RPL28: variants seen among roughly 807,000 people sequenced by gnomAD.
RPL28 encodes the protein large ribosomal subunit protein eL28.
A neutral mutation model predicts 12.5 loss-of-function variants in RPL28; 4 were observed. The observed-to-expected ratio is 0.32, with a 90% CI of 0.16 to 0.73. The LOEUF (loss-of-function observed/expected upper bound fraction) is 0.73, where lower values mean the gene tolerates loss of function less well. Ranked by LOEUF, RPL28 falls within the 30% of genes least tolerant of loss-of-function variation. The pLI is 0.66. For synonymous variants in RPL28, 91 were observed against 72.5 expected (o/e 1.26, Z -1.30); for missense variants, 214 against 197.7 (o/e 1.08, Z -0.49).
intron 4 of RPL28, chr19:55,400,999 G>C (rs1600316749): frequency 5.8e-6 from 1 of 172,812 alleles, no homozygotes; most frequent in Non-Finnish European, 1.3e-5. Flanking sequence ...TTATTCTAGA[G>C]GGAGAAGTAT....
In RPL28 at chr19:55,389,551, G is replaced by A; in HGVS notation, c.*1219G>A. ...ACCCCCGGCTCTGACTGAGAGTAAGGGGACTGTCAGGGCCTCGACTTGCCA... is the reference window on the plus strand; with the variant it reads ...ACCCCCGGCTCTGACTGAGAGTAAGAGGACTGTCAGGGCCTCGACTTGCCA... On this transcript the variant is annotated 3_prime_UTR_variant, in exon 5 of 5. Transcript: ENST00000344063. 1.0e-6 allele frequency: 1 copy of A among 985,460 alleles called. No individual in the cohort carries two copies. Among genetic ancestry groups the A allele is most frequent in the Non-Finnish European group, 1.2e-6 (1 of 829,950 alleles). 61.0% of individuals were successfully genotyped at this position (985,460 alleles called of 1,614,324 possible). A position where few individuals can be genotyped will look rare whatever the true frequency, so the allele number is the denominator to read the frequency against.
chr19:55,397,474 G>C (rs1302725390), intron 4 of RPL28, among the ~76,000 whole-genome samples: 1 of 151,902 alleles, frequency 6.6e-6, no homozygotes, highest in Admixed American at 6.6e-5. Flanking sequence ...CCGCCTTCCG[G>C]GTTCACGCCA....
chr19:55,387,540 AGCC>A, intron 3 of RPL28: 1 of 1,430,112 alleles, frequency 7.0e-7, no homozygotes. Flanking sequence ...TGGGCCTCTC[AGCC>A]AAGCTGATGT....
At chr19:55,387,376 T>G (rs2089942405) in intron 3 of RPL28, 1 of 1,551,364 alleles carries the variant, frequency 6.4e-7, no homozygotes, top group Admixed American at 2.0e-5. Flanking sequence ...TGTTGGCTAG[T>G]GATCCTCCTG....
chr19:55,393,256 C>T (rs867010721), downstream of RPL28, among the ~76,000 whole-genome samples: 3 of 118,022 alleles, frequency 2.5e-5, no homozygotes, highest in Admixed American at 8.6e-5. Flanking sequence ...CCCCCCCCCC[C>T]CCCGACCCCC....
chr19:55,388,860 ATC>A lies in RPL28; in HGVS notation c.*532_*533del. The A allele has an allele frequency of 1.0e-6, 1 of 986,244 alleles. No homozygotes were observed. The highest frequency in any genetic ancestry group is 1.2e-6 in the Non-Finnish European group (1 of 830,536). 61.1% of individuals were successfully genotyped at this position (986,244 alleles called of 1,614,324 possible). On this transcript the variant is annotated 3_prime_UTR_variant, in exon 5 of 5. Coordinates refer to ENST00000344063, the MANE Select transcript of RPL28 (RefSeq NM_000991.5). ...GATGGGCTTTACTTGATGCAACCTC[ATC>A]TCTGAGATGGGCAACTTGGTGGGTG...
At position 55,391,644 on chromosome 19, in the gene RPL28, C is replaced by T. The variant is rs535092226; in HGVS notation, c.*3312C>T. On this transcript the variant is annotated 3_prime_UTR_variant, in exon 5 of 5. Transcript: ENST00000344063. ...CTCAACCTCTCTGTGTCTTCGTACCCTCATCTGTAACATGCGTGTCGATAG... is the reference window on the plus strand; with the variant it reads ...CTCAACCTCTCTGTGTCTTCGTACCTTCATCTGTAACATGCGTGTCGATAG... 6.1e-5 allele frequency: 95 copies of T among 1,545,046 alleles called. 1 individual carries two copies. The East Asian group carries it at 2.2e-3, about 35-fold the overall frequency.
At chr19:55,386,907 G>C (rs1435942779) in intron 3 of RPL28, 1 of 1,497,326 alleles carries the variant, frequency 6.7e-7, no homozygotes, top group African/African-American at 1.4e-5. Context: ...GTAAAGTGGA[G>C]AAATGAAAAA....
chr19:55,386,450 C>G lies in RPL28; in HGVS notation c.81+12C>G. On this transcript the variant is annotated intron_variant, in intron 2 of 4. Coordinates refer to ENST00000344063, the MANE Select transcript of RPL28 (RefSeq NM_000991.5). ...AGACCTACAGCACTGTAAGTGGGGC[C>G]CGGATGCGTGGCTCCTGCGGGAGGA... 6.2e-7 allele frequency: 1 copy of G among 1,613,558 alleles called. No individual in the cohort carries two copies. Among genetic ancestry groups the G allele is most frequent in the Non-Finnish European group, 8.5e-7 (1 of 1,179,510 alleles).
Position 55,391,937 on chromosome 19 carries a change from G to A in RPL28, c.*3605G>A. 2 of 1,259,822 alleles carry A rather than the reference G, an allele frequency of 1.6e-6. No individual in the cohort carries two copies. Among genetic ancestry groups the A allele is most frequent in the Non-Finnish European group, 2.0e-6 (2 of 997,168 alleles). 78.0% of individuals were successfully genotyped at this position (1,259,822 alleles called of 1,614,324 possible). A position where few individuals can be genotyped will look rare whatever the true frequency, so the allele number is the denominator to read the frequency against. The stretch of plus-strand genomic sequence containing the variant: ...GCCCCGCCGTCCTGTGGGGCTGTGA[G>A]CTTTCCCAGCCTCCTGCCCGTGTTT... On this transcript the variant is annotated 3_prime_UTR_variant, in exon 5 of 5. Transcript: ENST00000344063.
At chr19:55,395,642 A>T (rs1468157176), downstream of RPL28, among the ~76,000 whole-genome samples, 1 of 149,078 alleles carries the variant, frequency 6.7e-6, no homozygotes, top group South Asian at 2.1e-4. Context: ...ATGGGGTTTC[A>T]CTGTGTTAGC....
intron 4 of RPL28, chr19:55,401,044 C>T (rs2090053327): frequency 4.3e-6 from 1 of 231,184 alleles, no homozygotes; most frequent in East Asian, 1.2e-4. Context: ...GGAGCAGCTC[C>T]AGGTCCTCGC....
chr19:55,389,314 C>T lies in RPL28; in HGVS notation c.*982C>T. On this transcript the variant is annotated 3_prime_UTR_variant, in exon 5 of 5. Coordinates refer to ENST00000344063, the MANE Select transcript of RPL28 (RefSeq NM_000991.5). The stretch of plus-strand genomic sequence containing the variant: ...TATGAGGCTGCAGTGAGCCCATGAG[C>T]CCCACCACTACACTCCAGCCTGGAA... 1.0e-6 allele frequency: 1 copy of T among 972,016 alleles called. No homozygotes were observed. 60.2% of individuals were successfully genotyped at this position (972,016 alleles called of 1,614,324 possible).
intron 3 of RPL28, chr19:55,386,997 G>A (rs895084407): frequency 1.4e-6 from 2 of 1,442,296 alleles, no homozygotes; most frequent in Non-Finnish European, 1.8e-6. Context: ...AAGCAAGTCA[G>A]GGTGGGGATG....
At position 55,390,701 on chromosome 19, in the gene RPL28, G is replaced by A. The variant is rs944852571; in HGVS notation, c.*2369G>A. On this transcript the variant is annotated 3_prime_UTR_variant, in exon 5 of 5. Coordinates refer to ENST00000344063, the MANE Select transcript of RPL28 (RefSeq NM_000991.5). Reference sequence around the variant, plus strand: ...GGGCCTCTGTTCCTGCGGGTGGCCAGCCTGTCTGTGTGGCTGGGCTGGGGA... The same window carrying A: ...GGGCCTCTGTTCCTGCGGGTGGCCAACCTGTCTGTGTGGCTGGGCTGGGGA... The A allele has an allele frequency of 3.0e-6, 3 of 985,480 alleles. No homozygotes were observed. Among genetic ancestry groups the A allele is most frequent in the Middle Eastern group, 5.2e-4 (1 of 1,914 alleles). The allele number at this position is 985,480 out of a possible 1,614,324, so 61.0% of individuals were successfully genotyped here. A position where few individuals can be genotyped will look rare whatever the true frequency, so the allele number is the denominator to read the frequency against.
chr19:55,393,561 A>G (rs1032134280), downstream of RPL28, among the ~76,000 whole-genome samples: 1 of 150,510 alleles, frequency 6.6e-6, no homozygotes, highest in South Asian at 2.1e-4. Context: ...CTGAATGGAC[A>G]CCCAGTATCC....
chr19:55,387,861 C>T (rs1600302623), intron 3 of RPL28, 69 bp from the exon 4 acceptor site: 1 of 1,504,252 alleles, frequency 6.6e-7, no homozygotes, highest in Non-Finnish European at 8.9e-7. Context: ...AGACTGTCCA[C>T]ACCTGCGAGG....
downstream of RPL28, among the ~76,000 whole-genome samples, chr19:55,395,770 T>G (rs1001394011): frequency 2.0e-5 from 3 of 152,132 alleles, no homozygotes; most frequent in African/African-American, 7.2e-5. Context: ...AGATAAAAAT[T>G]TCTATAATGA....
downstream of RPL28, among the ~76,000 whole-genome samples, chr19:55,395,412 C>T (rs1021119906): frequency 2.6e-5 from 4 of 151,276 alleles, no homozygotes; most frequent in African/African-American, 4.9e-5. Flanking sequence ...GAATTACAGG[C>T]GTGAGCCACT....
Sources: allele counts gnomAD v4.1 joint callset (sites outside exome capture counted in the v4.1 genomes callset), GRCh38; gene constraint gnomAD v4.1.1; transcripts MANE v1.5; gene names NCBI Gene and HGNC (gene_info 2026-07-23, HGNC 2026-07-21).